The following NR2F1-AS1 variants were observed in gnomAD, a reference collection of about 807,000 sequenced individuals.
The protein encoded by NR2F1-AS1 is NR2F1 antisense RNA 1.
chr5:93,501,913 T>C (rs1376847870), intron 4 of NR2F1-AS1, among the ~76,000 whole-genome samples: 1 of 152,162 alleles, frequency 6.6e-6, no homozygotes, highest in African/African-American at 2.4e-5. Flanking sequence ...CATTGTTGTC[T>C]TATTTTTTAA....
At chr5:93,516,938 T>C (rs549391984) in intron 4 of NR2F1-AS1, among the ~76,000 whole-genome samples, 29 of 152,090 alleles carry the variant, frequency 1.9e-4, no homozygotes, top group Admixed American at 6.6e-4. Context: ...GAATGGCACC[T>C]ATTAACCAGA....
At chr5:93,457,041 G>GGGTTTTAC (rs1749964126) in intron 4 of NR2F1-AS1, among the ~76,000 whole-genome samples, 1 of 152,102 alleles carries the variant, frequency 6.6e-6, no homozygotes, top group Non-Finnish European at 1.5e-5. Context: ...ATATACAATC[G>GGGTTTTAC]GGTTTTACAC....
chr5:93,497,891 A>G (rs968908996), intron 4 of NR2F1-AS1, among the ~76,000 whole-genome samples: 1 of 152,242 alleles, frequency 6.6e-6, no homozygotes, highest in Non-Finnish European at 1.5e-5. Context: ...ATCAAGGGTC[A>G]ATTATAAAAC....
At chr5:93,460,580 C>T (rs1750067036) in intron 4 of NR2F1-AS1, among the ~76,000 whole-genome samples, 1 of 152,120 alleles carries the variant, frequency 6.6e-6, no homozygotes, top group African/African-American at 2.4e-5. Flanking sequence ...AAGATGAAGA[C>T]AACTAGTACA....
At chr5:93,474,270 T>C (rs1414424145) in intron 4 of NR2F1-AS1, among the ~76,000 whole-genome samples, 4 of 152,204 alleles carry the variant, frequency 2.6e-5, no homozygotes, top group Non-Finnish European at 4.4e-5. Flanking sequence ...AAGAATTGTA[T>C]AGTAATTCTA....
chr5:93,425,863 C>A (rs1243939482), intron 4 of NR2F1-AS1, among the ~76,000 whole-genome samples: 1 of 152,040 alleles, frequency 6.6e-6, no homozygotes. Context: ...CTTTGTACCA[C>A]CAGCATCTAG....
chr5:93,519,993 T>C (rs961647597), intron 4 of NR2F1-AS1, among the ~76,000 whole-genome samples: 1 of 152,004 alleles, frequency 6.6e-6, no homozygotes, highest in African/African-American at 2.4e-5. Context: ...CATCACAGTA[T>C]CTAAGGTCTC....
chr5:93,488,208 A>T (rs192448642), intron 4 of NR2F1-AS1, among the ~76,000 whole-genome samples: 1 of 152,372 alleles, frequency 6.6e-6, no homozygotes, highest in Non-Finnish European at 1.5e-5. Context: ...TAAAATCAAA[A>T]GTAATGGCAA....
At chr5:93,418,780 C>T (rs1046109372) in intron 4 of NR2F1-AS1, among the ~76,000 whole-genome samples, 1 of 152,122 alleles carries the variant, frequency 6.6e-6, no homozygotes, top group South Asian at 2.1e-4. Flanking sequence ...ACTCTCTTGG[C>T]CACAGCATCA....
At chr5:93,468,621 A>C (rs1339899360) in intron 4 of NR2F1-AS1, among the ~76,000 whole-genome samples, 1 of 151,458 alleles carries the variant, frequency 6.6e-6, no homozygotes, top group African/African-American at 2.4e-5. Context: ...ATGATAGTTT[A>C]TTTTGCTGTG....
intron 4 of NR2F1-AS1, among the ~76,000 whole-genome samples, chr5:93,489,281 T>C (rs1488350590): frequency 2.0e-5 from 3 of 151,462 alleles, no homozygotes; most frequent in Non-Finnish European, 4.4e-5. Flanking sequence ...CCCTAAACCT[T>C]CAGCAACCAC....
At chr5:93,488,322 A>C (rs537859803) in intron 4 of NR2F1-AS1, among the ~76,000 whole-genome samples, 2 of 152,322 alleles carry the variant, frequency 1.3e-5, no homozygotes, top group African/African-American at 4.8e-5. Context: ...AATGGGAGAA[A>C]ATTTTTGCAA....
chr5:93,528,545 C>A (rs1048212896), intron 4 of NR2F1-AS1, among the ~76,000 whole-genome samples: 6 of 152,192 alleles, frequency 3.9e-5, no homozygotes, highest in African/African-American at 1.4e-4. Context: ...CATCCCATTA[C>A]TGGGGATATA....
chr5:93,444,119 A>G (rs1749637867), intron 4 of NR2F1-AS1, among the ~76,000 whole-genome samples: 1 of 152,220 alleles, frequency 6.6e-6, no homozygotes, highest in South Asian at 2.1e-4. Context: ...AAGACCATCA[A>G]TGCTAGGAAG....
chr5:93,438,779 G>T (rs972364728), intron 4 of NR2F1-AS1: 1 of 152,222 alleles, frequency 6.6e-6, no homozygotes, highest in African/African-American at 2.4e-5. Flanking sequence ...GAAAACAAGA[G>T]ATTAGTCCCA....
intron 4 of NR2F1-AS1, among the ~76,000 whole-genome samples, chr5:93,459,838 T>C (rs1409461622): frequency 3.9e-5 from 6 of 151,932 alleles, no homozygotes; most frequent in Admixed American, 3.9e-4. Context: ...ACTACACTTA[T>C]AACAGCCAGG....
intron 4 of NR2F1-AS1, among the ~76,000 whole-genome samples, chr5:93,474,470 G>T (rs1329456231): frequency 6.6e-6 from 1 of 152,120 alleles, no homozygotes; most frequent in Non-Finnish European, 1.5e-5. Context: ...TGCTATAACA[G>T]AATACCATAG....
intron 2 of NR2F1-AS1, among the ~76,000 whole-genome samples, chr5:93,556,392 G>A (rs531245960): frequency 5.3e-5 from 8 of 152,136 alleles, no homozygotes; most frequent in South Asian, 2.1e-4. Flanking sequence ...TTATTCCAAC[G>A]TTTTGATAAA....
chr5:93,506,722 G>A (rs1340552496), intron 4 of NR2F1-AS1, among the ~76,000 whole-genome samples: 2 of 152,094 alleles, frequency 1.3e-5, no homozygotes, highest in African/African-American at 4.8e-5. Flanking sequence ...CAGCCCCCAT[G>A]TTTCAATTAG....
Sources: gnomAD v4.1 joint callset for allele counts (sites outside exome capture counted in the v4.1 genomes callset) on GRCh38, gnomAD v4.1.1 for gene constraint, MANE v1.5 for transcripts, NCBI Gene and HGNC (gene_info 2026-07-23, HGNC 2026-07-21) for gene names.